Variants in GAN observed in about 807,000 individuals in gnomAD.
GAN encodes epididymis secretory sperm binding protein.
In GAN, 48 loss-of-function variants were observed where a neutral mutation model predicts 71.3. The observed-to-expected ratio is 0.67, with a 90% CI of 0.53 to 0.86. The LOEUF (loss-of-function observed/expected upper bound fraction) is 0.86, where lower values mean the gene tolerates loss of function less well. GAN is among the 40% of genes least tolerant of loss of function. GAN has a pLI of 0.00. For missense variants in GAN, 928 were observed against 770.1 expected (o/e 1.21, Z -2.43); for synonymous variants, 386 against 276.8 (o/e 1.39, Z -3.92).
intron 1 of GAN, among the ~76,000 whole-genome samples, chr16:81,348,356 C>A (rs1261151696): frequency 6.6e-6 from 1 of 151,926 alleles, no homozygotes; most frequent in African/African-American, 2.4e-5. Flanking sequence ...TTTCTTTTTT[C>A]CTTGAACTTT....
chr16:81,323,579 T>C (rs938681970), intron 1 of GAN, among the ~76,000 whole-genome samples: 4 of 152,246 alleles, frequency 2.6e-5, no homozygotes, highest in African/African-American at 9.6e-5. Flanking sequence ...TATTGAGATA[T>C]ACTGTGTATT....
At position 81,384,278 on chromosome 16, in the gene GAN, G is replaced by T. The variant is rs1197905201; in HGVS notation, c.*6682G>T. On this transcript the variant is annotated 3_prime_UTR_variant, in exon 11 of 11. Coordinates refer to ENST00000648994, the MANE Select transcript of GAN (RefSeq NM_022041.4). ...GCCTTGAGGAATACAATTCTCTAAG[G>T]CCTGTTTTCCATTTTACTACTTAAA... The T allele has an allele frequency of 6.7e-6, 1 of 148,594 alleles. No homozygotes were observed. Among genetic ancestry groups the T allele is most frequent in the Non-Finnish European group, 1.5e-5 (1 of 67,600 alleles). The allele number at this position is 148,594 out of a possible 1,614,324, so 9.2% of individuals were successfully genotyped here.
intron 5 of GAN, among the ~76,000 whole-genome samples, chr16:81,359,878 C>G (rs1287974099): frequency 1.3e-5 from 2 of 152,196 alleles, no homozygotes; most frequent in Admixed American, 6.5e-5. Context: ...TGAATGTGGT[C>G]TCTCTCAAAA....
At chr16:81,367,641 A>G (rs993593845) in intron 9 of GAN, among the ~76,000 whole-genome samples, 7 of 152,370 alleles carry the variant, frequency 4.6e-5, no homozygotes, top group Admixed American at 2.0e-4. Flanking sequence ...TCTTACCAAT[A>G]TAAGATTCTA....
intron 3 of GAN, among the ~76,000 whole-genome samples, chr16:81,356,350 G>C (rs1910485661): frequency 6.6e-6 from 1 of 151,818 alleles, no homozygotes. Context: ...TATTTTTCTT[G>C]TATTATTAAT....
rs988568924 is a variant in GAN at position 81,381,725 on chromosome 16, G to C, written c.*4129G>C. On this transcript the variant is annotated 3_prime_UTR_variant, in exon 11 of 11. Transcript: ENST00000648994. ...CCAGTCTCAGTGCTTGCACAGAGTA[G>C]GTAGGCAATAAACATTTGACAAATA... 3 of 152,222 alleles carry C rather than the reference G, an allele frequency of 2.0e-5. No homozygotes were observed. The highest frequency in any genetic ancestry group is 3.9e-4 in the East Asian group (2 of 5,194). 9.4% of individuals were successfully genotyped at this position (152,222 alleles called of 1,614,324 possible).
chr16:81,377,177 C>G (rs548114475), intron 9 of GAN, 42 bp from the exon 10 acceptor site: 4 of 1,146,616 alleles, frequency 3.5e-6, no homozygotes, highest in Admixed American at 3.4e-5. Flanking sequence ...TTGTTGTCAT[C>G]CTTTTGATTT....
rs988850605 is a variant in GAN at position 81,390,739 on chromosome 16, G to A, written c.*13143G>A. 3.3e-5 allele frequency: 5 copies of A among 152,268 alleles called. No individual in the cohort carries two copies. Among genetic ancestry groups the A allele is most frequent in the African/African-American group, 1.2e-4 (5 of 41,554 alleles). The allele number at this position is 152,268 out of a possible 1,614,324, so 9.4% of individuals were successfully genotyped here. ...TAAAAACTTGAAATATTTTCTAGAA[G>A]GGTACCACACAAAAGGAATCATCTT... On this transcript the variant is annotated 3_prime_UTR_variant, in exon 11 of 11. Transcript: ENST00000648994.
At chr16:81,352,084 G>A (rs1479347061) in intron 2 of GAN, among the ~76,000 whole-genome samples, 1 of 152,146 alleles carries the variant, frequency 6.6e-6, no homozygotes, top group Non-Finnish European at 1.5e-5. Flanking sequence ...TGTCTCCATA[G>A]CATGGAAATA....
At chr16:81,367,846 A>G (rs1910911527) in intron 9 of GAN, among the ~76,000 whole-genome samples, 1 of 152,222 alleles carries the variant, frequency 6.6e-6, no homozygotes, top group African/African-American at 2.4e-5. Context: ...TTCTGGCCCC[A>G]GAGTCCACCT....
intron 1 of GAN, among the ~76,000 whole-genome samples, chr16:81,316,984 G>C (rs549086547): frequency 6.6e-6 from 1 of 152,050 alleles, no homozygotes; most frequent in Non-Finnish European, 1.5e-5. Context: ...TCAGCCTCCC[G>C]AGTAGCTGGG....
At chr16:81,348,165 C>A (rs1291286974) in intron 1 of GAN, among the ~76,000 whole-genome samples, 4 of 152,134 alleles carry the variant, frequency 2.6e-5, no homozygotes, top group Non-Finnish European at 5.9e-5. Context: ...GCCTTTGTCT[C>A]TTTGTTCTCT....
At chr16:81,374,624 T>C (rs746566142) in intron 9 of GAN, among the ~76,000 whole-genome samples, 1 of 152,268 alleles carries the variant, frequency 6.6e-6, no homozygotes, top group Admixed American at 6.5e-5. Flanking sequence ...ACCATCATTA[T>C]TGATTTTCTT....
intron 1 of GAN, among the ~76,000 whole-genome samples, chr16:81,326,282 C>T (rs962098036): frequency 1.3e-5 from 2 of 151,674 alleles, no homozygotes; most frequent in Non-Finnish European, 2.9e-5. Context: ...CTTTGGGAGG[C>T]TGAAGCGGGC....
At chr16:81,323,803 G>A (rs1247706746) in intron 1 of GAN, among the ~76,000 whole-genome samples, 1 of 152,076 alleles carries the variant, frequency 6.6e-6, no homozygotes, top group Admixed American at 6.5e-5. Context: ...AGAGGATTGC[G>A]CCCTCCAGGA....
chr16:81,371,183 C>A (rs999500176), intron 9 of GAN, among the ~76,000 whole-genome samples: 1 of 152,046 alleles, frequency 6.6e-6, no homozygotes, highest in Non-Finnish European at 1.5e-5. Context: ...TTTAAATTTT[C>A]TGTGCTGAAA....
chr16:81,372,038 A>T (rs553663165), intron 9 of GAN: 1 of 151,934 alleles, frequency 6.6e-6, no homozygotes, highest in Non-Finnish European at 1.5e-5. Context: ...TTTCTCCTCA[A>T]TTGATTGCCC....
intron 5 of GAN, among the ~76,000 whole-genome samples, chr16:81,360,978 C>G (rs1253002999): frequency 6.6e-6 from 1 of 152,156 alleles, no homozygotes; most frequent in African/African-American, 2.4e-5. Context: ...AATCCCAGCA[C>G]TTTTGGAGGC....
chr16:81,346,562 G>A (rs895838652), intron 1 of GAN, among the ~76,000 whole-genome samples: 1 of 152,204 alleles, frequency 6.6e-6, no homozygotes, highest in Non-Finnish European at 1.5e-5. Flanking sequence ...CATGTTCCTT[G>A]TGAGAATCTA....
Sources: gnomAD v4.1 joint callset for allele counts (sites outside exome capture counted in the v4.1 genomes callset) on GRCh38, gnomAD v4.1.1 for gene constraint, MANE v1.5 for transcripts, NCBI Gene and HGNC (gene_info 2026-07-23, HGNC 2026-07-21) for gene names.